GRIN2A: variants seen among roughly 807,000 people sequenced by gnomAD.
GRIN2A encodes glutamate receptor ionotropic, NMDA 2A.
Under a neutral mutation model 113.4 loss-of-function variants are expected in GRIN2A, and 22 were observed. That is an observed-to-expected ratio of 0.19 (90% confidence interval 0.14 to 0.28). GRIN2A has a LOEUF of 0.28. GRIN2A is among the 10% of genes least tolerant of loss of function. GRIN2A has a pLI of 1.00. For missense variants in GRIN2A, 1,502 were observed against 1,887.0 expected (o/e 0.80, Z 3.78); for synonymous variants, 827 against 738.4 (o/e 1.12, Z -1.94).
At chr16:9,934,753 C>G (rs1401033342) in intron 3 of GRIN2A, among the ~76,000 whole-genome samples, 1 of 146,800 alleles carries the variant, frequency 6.8e-6, no homozygotes, top group South Asian at 2.2e-4. Flanking sequence ...CTTTCTTTGG[C>G]CTTTCTCTAG....
At chr16:9,852,111 A>G (rs1324263899) in intron 4 of GRIN2A, among the ~76,000 whole-genome samples, 2 of 152,222 alleles carry the variant, frequency 1.3e-5, no homozygotes, top group African/African-American at 2.4e-5. Flanking sequence ...TAATTCCTAC[A>G]AACTCTACAT....
chr16:10,057,267 C>A (rs1317955449), intron 2 of GRIN2A, among the ~76,000 whole-genome samples: 1 of 152,154 alleles, frequency 6.6e-6, no homozygotes, highest in African/African-American at 2.4e-5. Flanking sequence ...CACCAGACCT[C>A]AAGAATAAAT....
intron 2 of GRIN2A, among the ~76,000 whole-genome samples, chr16:10,016,249 G>A (rs1159110345): frequency 2.0e-5 from 3 of 151,994 alleles, no homozygotes; most frequent in Non-Finnish European, 2.9e-5. Flanking sequence ...GGACAGTCAG[G>A]AAAGACACTT....
At position 10,153,751 on chromosome 16, in the gene GRIN2A, A is replaced by G. The variant is rs532069790; in HGVS notation, c.414+26247T>C. Among the ~76,000 whole-genome samples the G allele has an allele frequency of 1.1e-4, 16 of 152,114 alleles. No individual in the cohort carries two copies. The South Asian group carries it at 3.3e-3, about 32-fold the overall frequency. On this transcript the variant is annotated intron_variant, in intron 2 of 12. Coordinates refer to ENST00000330684, the MANE Select transcript of GRIN2A (RefSeq NM_001134407.3). ...GAATTTTCCACTCTTACAAATGAACACTCACCTCATCTAGACCTGCCACTT... is the reference window on the plus strand; with the variant it reads ...GAATTTTCCACTCTTACAAATGAACGCTCACCTCATCTAGACCTGCCACTT...
chr16:10,062,671 C>T (rs2047569003), intron 2 of GRIN2A, among the ~76,000 whole-genome samples: 1 of 152,114 alleles, frequency 6.6e-6, no homozygotes, highest in African/African-American at 2.4e-5. Context: ...TTGAGATCAA[C>T]CTGGCCAACA....
chr16:9,818,709 A>G (rs1199310566), intron 10 of GRIN2A, among the ~76,000 whole-genome samples: 2 of 152,202 alleles, frequency 1.3e-5, no homozygotes, highest in Non-Finnish European at 2.9e-5. Context: ...ATATCTCAGC[A>G]TACTTTTTAC....
intron 2 of GRIN2A, among the ~76,000 whole-genome samples, chr16:9,996,808 G>A (rs895696410): frequency 1.3e-5 from 2 of 151,958 alleles, no homozygotes; most frequent in African/African-American, 2.4e-5. Flanking sequence ...ATAGGGGTGG[G>A]GATTTCAAAC....
chr16:9,950,947 G>T (rs914507118), intron 2 of GRIN2A, among the ~76,000 whole-genome samples: 5 of 152,158 alleles, frequency 3.3e-5, no homozygotes, highest in Non-Finnish European at 5.9e-5. Context: ...CATGAAGAAG[G>T]TAGTATTAAT....
intron 10 of GRIN2A, among the ~76,000 whole-genome samples, chr16:9,820,919 A>G (rs9888922): frequency 0.015 from 2,262 of 152,324 alleles, 66 homozygotes; most frequent in African/African-American, 0.052. Flanking sequence ...CAGAAATCAT[A>G]GACTTAACTT....
intron 4 of GRIN2A, among the ~76,000 whole-genome samples, chr16:9,873,607 G>A (rs1250004018): frequency 1.3e-5 from 2 of 152,128 alleles, no homozygotes; most frequent in Non-Finnish European, 2.9e-5. Context: ...ATCTTTCCTG[G>A]TCTTAGAGAA....
intron 2 of GRIN2A, among the ~76,000 whole-genome samples, chr16:10,016,193 G>C (rs1222387014): frequency 2.0e-5 from 3 of 151,298 alleles, no homozygotes; most frequent in Admixed American, 2.0e-4. Context: ...AAGAGGCGCA[G>C]AGAAGAGGCC....
At chr16:9,767,731 G>T (rs1901009992) in intron 12 of GRIN2A, among the ~76,000 whole-genome samples, 1 of 152,202 alleles carries the variant, frequency 6.6e-6, no homozygotes, top group Non-Finnish European at 1.5e-5. Flanking sequence ...TATGTATTTT[G>T]TGCTGTTGTT....
chr16:9,851,624 G>A (rs2042883959), intron 4 of GRIN2A, among the ~76,000 whole-genome samples: 1 of 152,128 alleles, frequency 6.6e-6, no homozygotes, highest in South Asian at 2.1e-4. Context: ...ATTTGCCTTG[G>A]AAGACTCAAA....
At chr16:10,121,084 G>T (rs951023895) in intron 2 of GRIN2A, among the ~76,000 whole-genome samples, 1 of 152,090 alleles carries the variant, frequency 6.6e-6, no homozygotes, top group African/African-American at 2.4e-5. Flanking sequence ...ACTTTCATCG[G>T]TCCAACACTC....
At chr16:10,045,251 G>A (rs1363338466) in intron 2 of GRIN2A, among the ~76,000 whole-genome samples, 1 of 152,152 alleles carries the variant, frequency 6.6e-6, no homozygotes, top group Non-Finnish European at 1.5e-5. Flanking sequence ...AAACTGCCAA[G>A]CACTATTGTT....
Position 9,754,659 on chromosome 16 carries a change from A to T in GRIN2A, c.*8490T>A, listed in dbSNP as rs534681142. ...AAAGATTTAAAAAAATTTAAAAAAG[A>T]TTTTAAAAGTCAATACTGTTCATTC... On this transcript the variant is annotated 3_prime_UTR_variant, in exon 13 of 13. Coordinates refer to ENST00000330684, the MANE Select transcript of GRIN2A (RefSeq NM_001134407.3). 197 of 217,488 alleles carry T rather than the reference A, an allele frequency of 9.1e-4. No homozygotes were observed. The highest frequency in any genetic ancestry group is 3.7e-3 in the African/African-American group (167 of 44,572). 13.5% of individuals were successfully genotyped at this position (217,488 alleles called of 1,614,324 possible). A position where few individuals can be genotyped will look rare whatever the true frequency, so the allele number is the denominator to read the frequency against.
intron 3 of GRIN2A, among the ~76,000 whole-genome samples, chr16:9,925,292 A>G (rs1013890957): frequency 3.9e-5 from 6 of 152,198 alleles, no homozygotes. Flanking sequence ...GTGCCCATGA[A>G]TAACTGGGTT....
At chr16:9,886,810 T>C (rs538163488) in intron 4 of GRIN2A, among the ~76,000 whole-genome samples, 8 of 152,326 alleles carry the variant, frequency 5.3e-5, no homozygotes, top group Admixed American at 2.0e-4. Flanking sequence ...TTGGTATTCA[T>C]GTCAGGGGGT....
At chr16:10,024,507 C>G (rs1308461650) in intron 2 of GRIN2A, among the ~76,000 whole-genome samples, 1 of 152,200 alleles carries the variant, frequency 6.6e-6, no homozygotes, top group Non-Finnish European at 1.5e-5. Flanking sequence ...CGTGAGCCAA[C>G]GTGCCCAGCC....
Sources: gnomAD v4.1 joint callset for allele counts (sites outside exome capture counted in the v4.1 genomes callset) on GRCh38, gnomAD v4.1.1 for gene constraint, MANE v1.5 for transcripts, NCBI Gene and HGNC (gene_info 2026-07-23, HGNC 2026-07-21) for gene names.